SGCZ: variants seen among roughly 807,000 people sequenced by gnomAD.
SGCZ encodes sarcoglycan zeta.
A neutral mutation model predicts 41.3 loss-of-function variants in SGCZ; 40 were observed. That is an observed-to-expected ratio of 0.97 (90% CI 0.75 to 1.26). The LOEUF is 1.26. Ranked by LOEUF, SGCZ falls within the 50% of genes most tolerant of loss-of-function variation. The pLI is 0.00. For synonymous variants in SGCZ, 206 were observed against 137.5 expected (o/e 1.50, Z -3.49); for missense variants, 552 against 369.8 (o/e 1.49, Z -4.04).
chr8:14,347,774 G>A (rs565704016), intron 2 of SGCZ, among the ~76,000 whole-genome samples: 1 of 151,948 alleles, frequency 6.6e-6, no homozygotes. Context: ...ACATCAATGA[G>A]ATTTCTATTT....
chr8:14,119,502 T>C (rs1305217951), intron 5 of SGCZ, among the ~76,000 whole-genome samples: 1 of 152,184 alleles, frequency 6.6e-6, no homozygotes, highest in Non-Finnish European at 1.5e-5. Flanking sequence ...TCATGACATC[T>C]GCAAACAGAG....
chr8:14,992,126 G>C (rs1028787842), intron 1 of SGCZ, among the ~76,000 whole-genome samples: 2 of 141,888 alleles, frequency 1.4e-5, no homozygotes, highest in Non-Finnish European at 3.0e-5. Context: ...CCCAAAGCTA[G>C]TATTAATCTT....
chr8:15,107,634 T>C (rs376383943), intron 1 of SGCZ, among the ~76,000 whole-genome samples: 57 of 152,290 alleles, frequency 3.7e-4, no homozygotes, highest in African/African-American at 1.3e-3. Context: ...TGCAGGACTG[T>C]GAACTACATA....
intron 5 of SGCZ, among the ~76,000 whole-genome samples, chr8:14,112,943 A>T (rs1456338267): frequency 1.3e-5 from 2 of 152,142 alleles, no homozygotes; most frequent in African/African-American, 4.8e-5. Flanking sequence ...ATTAATTGGC[A>T]TTTATTGTAT....
chr8:14,189,007 CA>C (rs1805003672), intron 4 of SGCZ, among the ~76,000 whole-genome samples: 1 of 126,642 alleles, frequency 7.9e-6, no homozygotes, highest in Non-Finnish European at 1.6e-5. Flanking sequence ...AGGCACCTGC[CA>C]CCACGCCCAG....
At chr8:14,889,162 T>A (rs1234988328) in intron 1 of SGCZ, among the ~76,000 whole-genome samples, 5 of 152,060 alleles carry the variant, frequency 3.3e-5, no homozygotes, top group Admixed American at 2.6e-4. Context: ...TCTGATTCAG[T>A]GAAAAAATGG....
chr8:14,111,618 T>C (rs1268850625), intron 5 of SGCZ, among the ~76,000 whole-genome samples: 1 of 152,174 alleles, frequency 6.6e-6, no homozygotes, highest in East Asian at 1.9e-4. Flanking sequence ...CAAAGGATGT[T>C]TCAGATAATT....
intron 2 of SGCZ, among the ~76,000 whole-genome samples, chr8:14,448,612 G>C (rs564378456): frequency 2.0e-5 from 3 of 152,262 alleles, no homozygotes; most frequent in Admixed American, 6.5e-5. Context: ...TATGAATGAG[G>C]TAACAACCAT....
At chr8:14,565,969 T>A (rs1804346656) in intron 1 of SGCZ, among the ~76,000 whole-genome samples, 1 of 152,200 alleles carries the variant, frequency 6.6e-6, no homozygotes, top group Non-Finnish European at 1.5e-5. Context: ...GTAGTCAAAT[T>A]TATTTTGATG....
At chr8:14,405,248 G>T (rs1164133175) in intron 2 of SGCZ, among the ~76,000 whole-genome samples, 1 of 152,124 alleles carries the variant, frequency 6.6e-6, no homozygotes, top group Non-Finnish European at 1.5e-5. Flanking sequence ...TGACTGGAAG[G>T]CAACAAATAA....
intron 4 of SGCZ, among the ~76,000 whole-genome samples, chr8:14,187,405 A>G (rs1187560412): frequency 2.0e-5 from 3 of 152,234 alleles, no homozygotes; most frequent in African/African-American, 7.2e-5. Flanking sequence ...AGACTTAACC[A>G]AGAATTCAAA....
rs575321176 is a variant in SGCZ at position 14,436,293 on chromosome 8, G to C, written c.235-112089C>G. Among the ~76,000 whole-genome samples, 20 of 152,304 alleles carry C rather than the reference G, an allele frequency of 1.3e-4. No homozygotes were observed. In the South Asian group the frequency reaches 3.7e-3, roughly 28 times the overall value. On this transcript the variant is annotated intron_variant, in intron 2 of 7. Transcript: ENST00000382080. ...GGAGGAGAAAGGAGAGGACAGATCT[G>C]TAAGAGCGAAGAATAATATTCAGCG...
At position 15,172,474 on chromosome 8, in the gene SGCZ, T is replaced by C. The variant is rs537634856; in HGVS notation, c.39+65111A>G. Among the ~76,000 whole-genome samples, 4 of 152,218 alleles carry C rather than the reference T, an allele frequency of 2.6e-5. No individual in the cohort carries two copies. In the South Asian group the frequency reaches 6.2e-4, roughly 24 times the overall value. Reference sequence around the variant, plus strand: ...GAAATCAAATGTTTTATGTAATGACTAGTGAAAAAGAAAACACCCACTAGA... The same window carrying C: ...GAAATCAAATGTTTTATGTAATGACCAGTGAAAAAGAAAACACCCACTAGA... On this transcript the variant is annotated intron_variant, in intron 1 of 7. Coordinates refer to ENST00000382080, the MANE Select transcript of SGCZ (RefSeq NM_139167.4).
chr8:14,129,227 T>G (rs1348429189), intron 5 of SGCZ, among the ~76,000 whole-genome samples: 1 of 151,362 alleles, frequency 6.6e-6, no homozygotes, highest in Admixed American at 6.6e-5. Flanking sequence ...GTGCCTGTAC[T>G]CCCAGCTACT....
At chr8:14,659,548 C>T (rs1585161327) in intron 1 of SGCZ, among the ~76,000 whole-genome samples, 1 of 152,060 alleles carries the variant, frequency 6.6e-6, no homozygotes, top group African/African-American at 2.4e-5. Context: ...ATTTTGGTAG[C>T]CAAATACACG....
At chr8:14,400,136 G>C (rs571093700) in intron 2 of SGCZ, among the ~76,000 whole-genome samples, 7 of 152,108 alleles carry the variant, frequency 4.6e-5, no homozygotes, top group Admixed American at 3.9e-4. Flanking sequence ...TTTGTGAGTA[G>C]CTTCTTTCAC....
At chr8:14,210,185 G>A (rs1178292731) in intron 4 of SGCZ, among the ~76,000 whole-genome samples, 2 of 152,094 alleles carry the variant, frequency 1.3e-5, no homozygotes, top group Non-Finnish European at 2.9e-5. Context: ...AGCCTCCCAA[G>A]TAGCTGGGAA....
intron 2 of SGCZ, among the ~76,000 whole-genome samples, chr8:14,373,241 C>G (rs190132991): frequency 2.6e-5 from 4 of 152,086 alleles, no homozygotes; most frequent in Non-Finnish European, 4.4e-5. Flanking sequence ...GGCAAAAGAC[C>G]GTTGGCATTC....
intron 1 of SGCZ, among the ~76,000 whole-genome samples, chr8:14,713,368 T>G (rs1809583518): frequency 6.6e-6 from 1 of 152,164 alleles, no homozygotes; most frequent in Non-Finnish European, 1.5e-5. Flanking sequence ...TTACTATAAT[T>G]TGTCACCATT....
Sources: allele counts gnomAD v4.1 joint callset (sites outside exome capture counted in the v4.1 genomes callset), GRCh38; gene constraint gnomAD v4.1.1; transcripts MANE v1.5; gene names NCBI Gene and HGNC (gene_info 2026-07-23, HGNC 2026-07-21).